The following INTS1 variants were observed in gnomAD, a reference collection of about 807,000 sequenced individuals.
INTS1 encodes integrator complex subunit 1.
In INTS1, 137 loss-of-function variants were observed where a neutral mutation model predicts 241.6. That is an observed-to-expected ratio of 0.57 (90% CI 0.49 to 0.65). The LOEUF (loss-of-function observed/expected upper bound fraction) is 0.65. Among genes scored for constraint, INTS1 ranks in the 30% least tolerant of loss-of-function variants. The probability of loss-of-function intolerance (pLI) is 0.00; values close to 1 mark genes in which losing one functional copy is unlikely to be tolerated. For synonymous variants in INTS1, 1,692 were observed against 1,337.8 expected (o/e 1.26, Z -5.78); for missense variants, 3,073 against 3,032.2 (o/e 1.01, Z -0.32).
chr7:1,476,855 A>G lies in INTS1; in HGVS notation c.5002T>C (p.Ser1668Pro). The G allele has an allele frequency of 6.2e-7, 1 of 1,612,958 alleles. No individual in the cohort carries two copies. ...PYLLTLFTHQ[S>P]SWPTLHQCIR... ...CACTGGTGCAGTGTGGGCCAGCTGG[A>G]CTGATGCGTGAAGAGGGTCAGGAGG... is the stretch of plus-strand genomic sequence containing the variant. The change falls in exon 36 of 48, where the codon TCC (serine) becomes CCC (proline). Residue 1668 changes from serine to proline, a missense_variant. Transcript: ENST00000404767.
Position 1,497,423 on chromosome 7 carries a change from C to G in INTS1, c.1426-109G>C, listed in dbSNP as rs1176700619. On this transcript the variant is annotated intron_variant, in intron 10 of 47. Coordinates refer to ENST00000404767, the MANE Select transcript of INTS1 (RefSeq NM_001080453.3). The surrounding 1 kb of genome is among the most constrained non-coding windows in gnomAD (Gnocchi z 5.3). ...GGCGCCCGAGGGCGCTGCAGTGGGT[C>G]TCAGACAGTGTGGGGTGCGGGGTGG... is the stretch of plus-strand genomic sequence containing the variant. 3 of 1,209,782 alleles carry G rather than the reference C, an allele frequency of 2.5e-6. No homozygotes were observed. In the African/African-American group the frequency reaches 4.6e-5, roughly 18 times the overall value. The allele number at this position is 1,209,782 out of a possible 1,614,324, so 74.9% of individuals were successfully genotyped here.
chr7:1,503,301 G>A (rs1464705481), intron 2 of INTS1, 110 bp from the exon 3 acceptor site: 3 of 1,213,806 alleles, frequency 2.5e-6, no homozygotes, highest in Non-Finnish European at 3.4e-6. Flanking sequence ...GGTCAGAGGA[G>A]GCAAGGAAGA....
Position 1,480,234 on chromosome 7 carries a change from C to T in INTS1, c.4074+83G>A, listed in dbSNP as rs1035546617. 1.0e-5 allele frequency: 15 copies of T among 1,466,400 alleles called. No homozygotes were observed. In the African/African-American group the frequency reaches 1.1e-4, roughly 11 times the overall value. The allele number at this position is 1,466,400 out of a possible 1,614,324, so 90.8% of individuals were successfully genotyped here. A position where few individuals can be genotyped will look rare whatever the true frequency, so the allele number is the denominator to read the frequency against. On this transcript the variant is annotated intron_variant, in intron 30 of 47. Coordinates refer to ENST00000404767, the MANE Select transcript of INTS1 (RefSeq NM_001080453.3). ...GTCAGGCGGTCACGCAAGTAAAGGCCGCTGTGCGTGCGAGGCGGCAGCGAA... is the reference window on the plus strand; with the variant it reads ...GTCAGGCGGTCACGCAAGTAAAGGCTGCTGTGCGTGCGAGGCGGCAGCGAA...
chr7:1,503,041 GC>G lies in INTS1; in HGVS notation c.208del (p.Ala70ProfsTer17). The G allele has an allele frequency of 6.2e-7, 1 of 1,613,744 alleles. No homozygotes were observed. The highest frequency in any genetic ancestry group is 8.5e-7 in the Non-Finnish European group (1 of 1,179,872). ...DAAAALSSASALTGLTKRPKL... is the reference protein window; with the variant it reads ...DAAAALSSASXLTGLTKRPKL... ...GGGGCGTTTGGTGAGACCGGTGAGG[GC>G]CGAGGCACTGGACAACGCGGCCGCC... On this transcript the variant is annotated frameshift_variant, in exon 3 of 48. Transcript: ENST00000404767. LOFTEE classifies it high-confidence loss of function.
In INTS1 at chr7:1,499,278, C is replaced by T; in HGVS notation, c.927G>A (p.Glu309=). ...ACCTGGGCATGAGCTGGCCCTCCTG[C>T]TCGGGGCTCAGCTTCTCCTCCGCGA... ...LLIAEEKLSP[E]QEGQLMPRYE... Residue 309 remains glutamate (E), a synonymous_variant, in exon 7 of 48, where the codon GAG becomes GAA. Transcript: ENST00000404767. The T allele has an allele frequency of 6.2e-7, 1 of 1,610,022 alleles. No homozygotes were observed.
chr7:1,503,292 G>A, intron 2 of INTS1, 101 bp from the exon 3 acceptor site: 3 of 1,276,496 alleles, frequency 2.4e-6, no homozygotes, highest in Non-Finnish European at 3.2e-6. Context: ...TTAAACAAGG[G>A]TCAGAGGAGG....
At chr7:1,503,841 C>A in intron 2 of INTS1, 62 bp downstream of exon 2, 12 of 996,522 alleles carry the variant, frequency 1.2e-5, no homozygotes, top group Non-Finnish European at 1.5e-5. Flanking sequence ...CAGCTGAGAT[C>A]CCCAAAGACC....
At chr7:1,498,246 G>T in intron 10 of INTS1, 166 bp downstream of exon 10, 1 of 1,058,942 alleles carries the variant, frequency 9.4e-7, no homozygotes, top group Non-Finnish European at 1.3e-6. Context: ...TCTAGAAACG[G>T]CTCAACCTCA....
chr7:1,487,949 G>A lies in INTS1; in HGVS notation c.2327C>T (p.Ser776Phe), dbSNP rs748869367. Residue 776 changes from serine to phenylalanine, a missense_variant, in exon 19 of 48, where the codon TCC (serine) becomes TTC (phenylalanine). Transcript: ENST00000404767. ...ATCCGTCAGGGTGCACGGTGGGTAG[G>A]AGTAGTTGCTAGGGCCAGACGGGGG... The part of the protein sequence containing the change: ...LMEMVMTNNY[S>F]YPPCTLTDEE... 1 of 1,613,070 alleles carries A rather than the reference G, an allele frequency of 6.2e-7. No homozygotes were observed. The highest frequency in any genetic ancestry group is 8.5e-7 in the Non-Finnish European group (1 of 1,179,818).
At chr7:1,483,456 G>T (rs79232070) in intron 26 of INTS1, 1 of 512,190 alleles carries the variant, frequency 2.0e-6, no homozygotes, top group Non-Finnish European at 3.6e-6. Flanking sequence ...GGTTAGGCTG[G>T]GGCAGTGAGG....
At chr7:1,484,319 G>A in intron 24 of INTS1, 149 bp from the exon 25 acceptor site, 2 of 807,184 alleles carry the variant, frequency 2.5e-6, no homozygotes, top group Non-Finnish European at 3.8e-6. Flanking sequence ...GGCCGCCAGG[G>A]AAGACGACCA....
In INTS1 at chr7:1,500,026, CA is replaced by C; in HGVS notation, c.547-6del. The stretch of plus-strand genomic sequence containing the variant: ...CCGCAGGAGGCTACACAGAGCCTGC[CA>C]GGGAGGGCGCATGTCACGTGGGAGC... On this transcript the variant is annotated splice_region_variant and splice_polypyrimidine_tract_variant and intron_variant, in intron 4 of 47. Transcript: ENST00000404767. 6.2e-7 allele frequency: 1 copy of C among 1,612,728 alleles called. No homozygotes were observed. Among genetic ancestry groups the C allele is most frequent in the Non-Finnish European group, 8.5e-7 (1 of 1,179,582 alleles).
chr7:1,480,459 C>T lies in INTS1; in HGVS notation c.3950-18G>A. The T allele has an allele frequency of 6.2e-7, 1 of 1,608,362 alleles. No homozygotes were observed. Among genetic ancestry groups the T allele is most frequent in the South Asian group, 1.1e-5 (1 of 90,740 alleles). On this transcript the variant is annotated intron_variant, in intron 29 of 47. Coordinates refer to ENST00000404767, the MANE Select transcript of INTS1 (RefSeq NM_001080453.3). Reference sequence around the variant, plus strand: ...TGTGCTGTCTGCAGAGACAGGAGAACTGTCAGTGGCTGGACACTTTCTGAC... The same window carrying T: ...TGTGCTGTCTGCAGAGACAGGAGAATTGTCAGTGGCTGGACACTTTCTGAC...
Position 1,497,288 on chromosome 7 carries a change from C to T in INTS1, c.1452G>A (p.Leu484=). 2 of 1,613,136 alleles carry T rather than the reference C, an allele frequency of 1.2e-6. No homozygotes were observed. Among genetic ancestry groups the T allele is most frequent in the South Asian group, 2.2e-5 (2 of 91,028 alleles). ...PKFLAMVFQD[L]LTNKDDYLRA... is the part of the protein sequence containing the mutation. ...GCAGGTAGTCGTCCTTGTTGGTCAG[C>T]AGGTCCTGGAACACCATGGCCAGGA... The change falls in exon 11 of 48, where the codon CTG becomes CTA. Residue 484 remains leucine (L), a synonymous_variant. Transcript: ENST00000404767. This position sits in a 1 kb window ranked among gnomAD's most constrained non-coding sequence, Gnocchi z 5.3.
chr7:1,501,450 G>C (rs1277896739), intron 3 of INTS1, among the ~76,000 whole-genome samples: 1 of 152,082 alleles, frequency 6.6e-6, no homozygotes, highest in African/African-American at 2.4e-5. Context: ...TGCCAGCATG[G>C]AGGGACAGCC....
chr7:1,473,400 G>A (rs533563407), intron 42 of INTS1, among the ~76,000 whole-genome samples, 166 bp downstream of exon 42: 3 of 152,322 alleles, frequency 2.0e-5, no homozygotes, highest in African/African-American at 7.2e-5. Context: ...CTTCGGCACA[G>A]GGTGGGGCGG....
At chr7:1,492,118 C>A (rs1782583662) in intron 16 of INTS1, among the ~76,000 whole-genome samples, 2 of 152,254 alleles carry the variant, frequency 1.3e-5, no homozygotes, top group South Asian at 4.1e-4. Flanking sequence ...GCCCAGCAAC[C>A]CCACTCCTAG....
intron 21 of INTS1, 33 bp downstream of exon 21, chr7:1,486,889 A>C (rs767977130): frequency 9.3e-7 from 1 of 1,074,816 alleles, no homozygotes; most frequent in Non-Finnish European, 1.2e-6. Context: ...GCGGGGTGAG[A>C]GGCGGGGGGG....
chr7:1,489,826 G>T, intron 16 of INTS1, 144 bp from the exon 17 acceptor site: 1 of 598,458 alleles, frequency 1.7e-6, no homozygotes, highest in Non-Finnish European at 2.9e-6. Context: ...ACCTGTCCAA[G>T]CATGTGCATC....
Sources: allele counts gnomAD v4.1 joint callset (sites outside exome capture counted in the v4.1 genomes callset), GRCh38; gene constraint gnomAD v4.1.1; non-coding constraint Gnocchi (gnomAD v3.1); transcripts MANE v1.5; gene names NCBI Gene and HGNC (gene_info 2026-07-23, HGNC 2026-07-21).